The following GRM7 variants were observed in gnomAD, a reference collection of about 807,000 sequenced individuals.
GRM7 encodes glutamate metabotropic receptor 7, also known as metabotropic glutamate receptor 7.
Under a neutral mutation model 84.5 loss-of-function variants are expected in GRM7, and 35 were observed. The ratio of observed to expected loss-of-function variants is 0.41; its 90% CI spans 0.32 to 0.55. GRM7 has a LOEUF of 0.55. GRM7 is among the 20% of genes least tolerant of loss of function. The probability of loss-of-function intolerance (pLI) is 0.19; values close to 1 mark genes in which losing one functional copy is unlikely to be tolerated. For synonymous variants in GRM7, 487 were observed against 455.1 expected, an observed-to-expected ratio of 1.07 and a Z score of -0.89; for missense variants, 1,003 against 1,194.6, an observed-to-expected ratio of 0.84 and a Z score of 2.36.
chr3:7,492,298 T>A (rs1028999789), intron 7 of GRM7, among the ~76,000 whole-genome samples: 15 of 152,164 alleles, frequency 9.9e-5, no homozygotes, highest in Admixed American at 5.2e-4. Flanking sequence ...CTTATTTATA[T>A]CTTTGGTAGA....
intron 9 of GRM7, among the ~76,000 whole-genome samples, chr3:7,739,240 C>A (rs1054841381): frequency 6.6e-6 from 1 of 152,044 alleles, no homozygotes; most frequent in South Asian, 2.1e-4. Flanking sequence ...CATGTATGTA[C>A]CTGTAACGTA....
At chr3:6,941,532 C>G (rs1300151364) in intron 1 of GRM7, among the ~76,000 whole-genome samples, 1 of 152,160 alleles carries the variant, frequency 6.6e-6, no homozygotes, top group African/African-American at 2.4e-5. Context: ...TGAGCTTTAT[C>G]TGCTAGATCT....
intron 8 of GRM7, among the ~76,000 whole-genome samples, chr3:7,594,041 C>T (rs927686289): frequency 6.6e-6 from 1 of 151,942 alleles, no homozygotes; most frequent in African/African-American, 2.4e-5. Context: ...ATTATGTAGG[C>T]AAGGGTCTAC....
chr3:7,269,885 A>T lies in GRM7; in HGVS notation c.737-28799A>T, dbSNP rs116562054. Among the ~76,000 whole-genome samples the T allele has an allele frequency of 7.4e-3, 1,130 of 152,042 alleles. 8 individuals carry two copies. Among genetic ancestry groups the T allele is most frequent in the African/African-American group, 0.025 (1,056 of 41,508 alleles). On this transcript the variant is annotated intron_variant, in intron 2 of 9. Transcript: ENST00000357716. ...GCATTTTTACTCCTGCTGTTTTCTT[A>T]ACTAGAAACACCTTTTCACCTCTGT...
chr3:7,202,611 A>G (rs189322907), intron 2 of GRM7, among the ~76,000 whole-genome samples: 54 of 152,304 alleles, frequency 3.5e-4, no homozygotes, highest in Admixed American at 2.4e-3. Flanking sequence ...GATTACAGAC[A>G]TGAGCCACAG....
In GRM7 at chr3:7,396,717, G is replaced by A. The variant is rs944789039; in HGVS notation, c.1034-18306G>A. ...AGCTCAGTCTGGTGATCTGTTTCAT[G>A]AGGAATGCATAAACCCTCTTTGTGC... On this transcript the variant is annotated intron_variant, in intron 4 of 9. Transcript: ENST00000357716. Among the ~76,000 whole-genome samples, 8 of 152,218 alleles carry A rather than the reference G, an allele frequency of 5.3e-5. No homozygotes were observed. The East Asian group carries it at 1.5e-3, about 29-fold the overall frequency.
intron 1 of GRM7, among the ~76,000 whole-genome samples, chr3:6,989,506 T>A (rs1694553827): frequency 6.6e-6 from 1 of 152,262 alleles, no homozygotes; most frequent in South Asian, 2.1e-4. Context: ...AACTTACTCT[T>A]ATCTCAGACT....
intron 2 of GRM7, among the ~76,000 whole-genome samples, chr3:7,196,119 G>A (rs561746682): frequency 6.6e-6 from 1 of 152,144 alleles, no homozygotes; most frequent in African/African-American, 2.4e-5. Context: ...GTTCAAACCT[G>A]CTGAGTGGGT....
chr3:7,212,208 T>TC (rs1696454367), intron 2 of GRM7, among the ~76,000 whole-genome samples: 1 of 151,124 alleles, frequency 6.6e-6, no homozygotes, highest in African/African-American at 2.4e-5. Context: ...TTTTTTTTTT[T>TC]CCTTTTTCTT....
intron 1 of GRM7, among the ~76,000 whole-genome samples, chr3:6,932,977 A>G (rs563557728): frequency 1.3e-5 from 2 of 150,710 alleles, no homozygotes; most frequent in Non-Finnish European, 1.5e-5. Flanking sequence ...CTGGTCTCAG[A>G]CTCCTGACCT....
chr3:7,295,525 A>G (rs1699782876), intron 2 of GRM7, among the ~76,000 whole-genome samples: 1 of 152,208 alleles, frequency 6.6e-6, no homozygotes, highest in African/African-American at 2.4e-5. Flanking sequence ...AAATAAAATA[A>G]AATAAAATGT....
chr3:7,362,337 A>G (rs1407885741), intron 4 of GRM7, among the ~76,000 whole-genome samples: 3 of 117,826 alleles, frequency 2.5e-5, no homozygotes, highest in Non-Finnish European at 5.5e-5. Context: ...CATGTTTTAA[A>G]GAATACACAC....
intron 1 of GRM7, among the ~76,000 whole-genome samples, chr3:6,991,278 C>T (rs1027739324): frequency 6.6e-5 from 10 of 152,308 alleles, no homozygotes; most frequent in African/African-American, 2.4e-4. Flanking sequence ...CGTAAACTTG[C>T]TCTTCCTCTT....
At chr3:6,938,588 T>C (rs1271244046) in intron 1 of GRM7, among the ~76,000 whole-genome samples, 3 of 152,122 alleles carry the variant, frequency 2.0e-5, no homozygotes, top group African/African-American at 4.8e-5. Flanking sequence ...GAGACAGGCA[T>C]TGACACCATT....
chr3:7,452,654 G>A lies in GRM7; in HGVS notation c.1222G>A (p.Val408Ile). The change falls in exon 6 of 10, where the codon GTC becomes ATC. Residue 408 changes from valine (V) to isoleucine (I), a missense_variant. Coordinates refer to ENST00000357716, the MANE Select transcript of GRM7 (RefSeq NM_000844.4). ...TTCCAACTATGAGCAGGAGGGTAAA[G>A]TCCAGTTCGTGATTGACGCAGTCTA... ...KDSNYEQEGK[V>I]QFVIDAVYAM... 2 of 1,613,580 alleles carry A rather than the reference G, an allele frequency of 1.2e-6. No homozygotes were observed. Among genetic ancestry groups the A allele is most frequent in the Non-Finnish European group, 1.7e-6 (2 of 1,179,636 alleles).
intron 8 of GRM7, among the ~76,000 whole-genome samples, chr3:7,601,643 G>C (rs1490077440): frequency 6.6e-6 from 1 of 152,056 alleles, no homozygotes; most frequent in Non-Finnish European, 1.5e-5. Context: ...GAATACCAAG[G>C]AGATGTGTGT....
rs554031237 is a variant in GRM7, at chr3:7,083,475, G to T, written c.520-62977G>T. ...ACTCGCTTTACTGTGGTGGTCTGGA[G>T]CCAATTCTACAATATCTCCTAGGCA... On this transcript the variant is annotated intron_variant, in intron 1 of 9. Transcript: ENST00000357716. 5.3e-5 allele frequency among the ~76,000 whole-genome samples: 8 copies of T among 152,230 alleles called. No individual in the cohort carries two copies. In the East Asian group the frequency reaches 1.4e-3, roughly 26 times the overall value.
intron 1 of GRM7, among the ~76,000 whole-genome samples, chr3:6,979,983 C>T (rs142183968): frequency 6.6e-6 from 1 of 152,052 alleles, no homozygotes; most frequent in Non-Finnish European, 1.5e-5. Context: ...CATATAATTG[C>T]TAATTCTTGT....
chr3:7,736,343 G>C lies in GRM7; in HGVS notation c.2699-4014G>C, dbSNP rs1466596467. Among the ~76,000 whole-genome samples the C allele has an allele frequency of 3.3e-5, 5 of 152,074 alleles. No individual in the cohort carries two copies. In the East Asian group the frequency reaches 9.6e-4, roughly 29 times the overall value. On this transcript the variant is annotated intron_variant, in intron 9 of 9. Coordinates refer to ENST00000357716, the MANE Select transcript of GRM7 (RefSeq NM_000844.4). Reference sequence around the variant, plus strand: ...TCAACTTTGTTAAAAATATTGTTTTGTAGGTATCATCTACTGCAGCATTGC... The same window carrying C: ...TCAACTTTGTTAAAAATATTGTTTTCTAGGTATCATCTACTGCAGCATTGC...
Sources: allele counts gnomAD v4.1 joint callset (sites outside exome capture counted in the v4.1 genomes callset), GRCh38; gene constraint gnomAD v4.1.1; transcripts MANE v1.5; gene names NCBI Gene and HGNC (gene_info 2026-07-23, HGNC 2026-07-21).